SUZ12: variants seen among roughly 807,000 people sequenced by gnomAD.
The protein encoded by SUZ12 is SUZ12 polycomb repressive complex 2 subunit, also known as polycomb protein SUZ12.
SUZ12 carries 17 observed loss-of-function variants against 87.3 expected under a neutral mutation model. The ratio of observed to expected loss-of-function variants is 0.19; its 90% confidence interval spans 0.13 to 0.29. The LOEUF (loss-of-function observed/expected upper bound fraction) is 0.29, where lower values mean the gene tolerates loss of function less well. Among genes scored for constraint, SUZ12 ranks in the 10% least tolerant of loss-of-function variants. SUZ12 has a pLI of 1.00. For missense variants in SUZ12, 526 were observed against 912.2 expected (o/e 0.58, Z 5.45); for synonymous variants, 253 against 312.4 (o/e 0.81, Z 2.01).
intron 8 of SUZ12, among the ~76,000 whole-genome samples, chr17:31,980,575 G>A (rs1300130623): frequency 3.3e-5 from 5 of 150,456 alleles, no homozygotes; most frequent in Non-Finnish European, 7.4e-5. Flanking sequence ...TCAGCCTCCC[G>A]AGTAGCTGGG....
chr17:31,988,941 G>A (rs1397637050), intron 10 of SUZ12, among the ~76,000 whole-genome samples: 3 of 151,526 alleles, frequency 2.0e-5, no homozygotes, highest in East Asian at 4.0e-4. Flanking sequence ...GTGTGGTGGC[G>A]GGCACCTGTA....
rs143628805 is a variant in SUZ12 at position 31,993,350 on chromosome 17, C to T, written c.1293+17C>T. Reference sequence around the variant, plus strand: ...TTTTATCAGGTAAACATAGCTGACCCTTCTTAAAGTAATTATGAAATGTAT... The same window carrying T: ...TTTTATCAGGTAAACATAGCTGACCTTTCTTAAAGTAATTATGAAATGTAT... On this transcript the variant is annotated intron_variant, in intron 11 of 15. Coordinates refer to ENST00000322652, the MANE Select transcript of SUZ12 (RefSeq NM_015355.4). The T allele has an allele frequency of 7.0e-7, 1 of 1,420,504 alleles. No individual in the cohort carries two copies. The highest frequency in any genetic ancestry group is 1.5e-5 in the African/African-American group (1 of 68,954). The allele number at this position is 1,420,504 out of a possible 1,614,324, so 88.0% of individuals were successfully genotyped here.
rs528324546 is a variant in SUZ12 at position 32,000,470 on chromosome 17, T to G, written c.*1467T>G. On this transcript the variant is annotated 3_prime_UTR_variant, in exon 16 of 16. Coordinates refer to ENST00000322652, the MANE Select transcript of SUZ12 (RefSeq NM_015355.4). ...GTTCTTAGTCATTGATTTTTGTGTT[T>G]AAAAAAAAATAGGAAAGAGGGAAAC... The G allele has an allele frequency of 4.4e-6, 1 of 226,640 alleles. No individual in the cohort carries two copies. The highest frequency in any genetic ancestry group is 8.7e-6 in the Non-Finnish European group (1 of 114,482). The allele number at this position is 226,640 out of a possible 1,614,324, so 14.0% of individuals were successfully genotyped here. A position where few individuals can be genotyped will look rare whatever the true frequency, so the allele number is the denominator to read the frequency against.
rs1391003472 is a variant in SUZ12 at position 31,998,647 on chromosome 17, T to C, written c.1875-11T>C. The C allele has an allele frequency of 1.3e-6, 2 of 1,520,570 alleles. No homozygotes were observed. The highest frequency in any genetic ancestry group is 2.8e-5 in the African/African-American group (2 of 71,792). 94.2% of individuals were successfully genotyped at this position (1,520,570 alleles called of 1,614,324 possible). On this transcript the variant is annotated splice_polypyrimidine_tract_variant and intron_variant, in intron 15 of 15. Coordinates refer to ENST00000322652, the MANE Select transcript of SUZ12 (RefSeq NM_015355.4). ...TTGTATTGCTATTCATATTCTGTTT[T>C]TATTAAATAGGTTTATTGCTGACAA...
At chr17:31,989,996 C>T (rs1289848738) in intron 10 of SUZ12, among the ~76,000 whole-genome samples, 1 of 137,944 alleles carries the variant, frequency 7.2e-6, no homozygotes, top group African/African-American at 2.8e-5. Context: ...GGAGTCTCGC[C>T]CAGGCTGGAG....
chr17:31,947,733 G>C (rs746404919), intron 4 of SUZ12, 48 bp downstream of exon 4: 14 of 1,543,692 alleles, frequency 9.1e-6, no homozygotes, highest in Admixed American at 4.3e-5. Context: ...TTAGGAAAGA[G>C]GAAAAATTAC....
intron 8 of SUZ12, among the ~76,000 whole-genome samples, chr17:31,980,504 C>T (rs1181497514): frequency 3.9e-5 from 5 of 127,694 alleles, no homozygotes. Flanking sequence ...GGCTGGAGCG[C>T]AAAGGCACCA....
At chr17:31,945,687 T>G (rs1033396728) in intron 3 of SUZ12, among the ~76,000 whole-genome samples, 24 of 152,152 alleles carry the variant, frequency 1.6e-4, no homozygotes, top group Non-Finnish European at 2.6e-4. Context: ...GTTGGTTTTG[T>G]TTTTTTCCTA....
chr17:31,973,808 G>A (rs1484535672), intron 6 of SUZ12, among the ~76,000 whole-genome samples: 6 of 152,202 alleles, frequency 3.9e-5, no homozygotes, highest in Admixed American at 1.3e-4. Context: ...AGGAGTAGGA[G>A]CTGGTCTGGG....
intron 15 of SUZ12, among the ~76,000 whole-genome samples, chr17:31,997,715 GGAGCAGCA>G (rs1169489971): frequency 6.6e-6 from 1 of 150,690 alleles, no homozygotes; most frequent in Non-Finnish European, 1.5e-5. Flanking sequence ...CCACGACCAG[GGAGCAGCA>G]GAAGGCAAGA....
At position 32,000,481 on chromosome 17, in the gene SUZ12, A is replaced by T. The variant is rs1910200680; in HGVS notation, c.*1478A>T. ...TTGATTTTTGTGTTTAAAAAAAAAT[A>T]GGAAAGAGGGAAACTGCAGCTTTCA... is the stretch of plus-strand genomic sequence containing the variant. On this transcript the variant is annotated 3_prime_UTR_variant, in exon 16 of 16. Transcript: ENST00000322652. 1.7e-5 allele frequency: 4 copies of T among 232,460 alleles called. No homozygotes were observed. In the East Asian group the frequency reaches 2.4e-4, roughly 14 times the overall value. The allele number at this position is 232,460 out of a possible 1,614,324, so 14.4% of individuals were successfully genotyped here. A position where few individuals can be genotyped will look rare whatever the true frequency, so the allele number is the denominator to read the frequency against.
intron 4 of SUZ12, among the ~76,000 whole-genome samples, chr17:31,963,053 T>C (rs1223613125): frequency 6.6e-6 from 1 of 152,016 alleles, no homozygotes; most frequent in South Asian, 2.1e-4. Flanking sequence ...TTTAGTAAAA[T>C]AGCACGTAGA....
At chr17:31,947,952 C>T (rs1173795197) in intron 4 of SUZ12, among the ~76,000 whole-genome samples, 2 of 152,126 alleles carry the variant, frequency 1.3e-5, no homozygotes, top group East Asian at 3.9e-4. Context: ...TGAGTGAAAC[C>T]TCTGACTTCT....
intron 4 of SUZ12, among the ~76,000 whole-genome samples, chr17:31,952,082 C>G (rs897065248): frequency 9.9e-5 from 15 of 151,864 alleles, no homozygotes; most frequent in Non-Finnish European, 1.5e-5. Context: ...CCTTCTTTTT[C>G]TAAGAGACAG....
intron 10 of SUZ12, among the ~76,000 whole-genome samples, chr17:31,991,114 C>CT (rs1214961834): frequency 6.6e-6 from 1 of 152,204 alleles, no homozygotes; most frequent in Admixed American, 6.5e-5. Flanking sequence ...ACTCATGTGT[C>CT]TTTATCTGCC....
At chr17:31,955,779 G>A (rs1907285346) in intron 4 of SUZ12, among the ~76,000 whole-genome samples, 1 of 151,876 alleles carries the variant, frequency 6.6e-6, no homozygotes, top group Non-Finnish European at 1.5e-5. Context: ...CCATTGTCTT[G>A]TCATGTTGCC....
chr17:31,988,793 G>A (rs1238928401), intron 10 of SUZ12, among the ~76,000 whole-genome samples: 4 of 151,706 alleles, frequency 2.6e-5, no homozygotes, highest in East Asian at 2.0e-4. Context: ...AGGGTTGGCC[G>A]AGCGCAGTGG....
chr17:31,943,382 C>T (rs906722045), intron 3 of SUZ12, among the ~76,000 whole-genome samples: 3 of 151,748 alleles, frequency 2.0e-5, no homozygotes, highest in Non-Finnish European at 2.9e-5. Flanking sequence ...AATTTCAGTC[C>T]GAAATGTCAA....
intron 9 of SUZ12, 100 bp downstream of exon 9, chr17:31,983,204 C>G: frequency 8.3e-7 from 1 of 1,210,268 alleles, no homozygotes; most frequent in Non-Finnish European, 1.2e-6. Context: ...GAAGTAGAGT[C>G]CTTTGTTTTT....
Sources: allele counts gnomAD v4.1 joint callset (sites outside exome capture counted in the v4.1 genomes callset), GRCh38; gene constraint gnomAD v4.1.1; transcripts MANE v1.5; gene names NCBI Gene and HGNC (gene_info 2026-07-23, HGNC 2026-07-21).